Variants in EML4 observed in about 807,000 individuals in gnomAD.
The protein encoded by EML4 is EMAP like 4.
A neutral mutation model predicts 129.0 loss-of-function variants in EML4; 72 were observed. The ratio of observed to expected loss-of-function variants is 0.56; its 90% CI spans 0.46 to 0.68. The LOEUF (loss-of-function observed/expected upper bound fraction) is 0.68. EML4 is among the 30% of genes least tolerant of loss of function. The pLI is 0.00. For missense variants in EML4, 1,363 were observed against 1,190.6 expected (o/e 1.14, Z -2.13); for synonymous variants, 532 against 405.0 (o/e 1.31, Z -3.77).
At chr2:42,186,895 A>C (rs12612372) in intron 1 of EML4, among the ~76,000 whole-genome samples, 1 of 152,202 alleles carries the variant, frequency 6.6e-6, no homozygotes, top group South Asian at 2.1e-4. Flanking sequence ...TCACTACTAC[A>C]ATGAAGATAC....
Position 42,330,302 on chromosome 2 carries a change from T to C in EML4, c.*95T>C. On this transcript the variant is annotated 3_prime_UTR_variant, in exon 23 of 23. Transcript: ENST00000318522. Reference sequence around the variant, plus strand: ...ATGGGCAGTGATGGAGAATCACTGTTGATTGAGATTTTGGTTTCCATGTGA... The same window carrying C: ...ATGGGCAGTGATGGAGAATCACTGTCGATTGAGATTTTGGTTTCCATGTGA... 2 of 1,141,542 alleles carry C rather than the reference T, an allele frequency of 1.8e-6. No individual in the cohort carries two copies. The highest frequency in any genetic ancestry group is 1.3e-5 in the South Asian group (1 of 77,692). The allele number at this position is 1,141,542 out of a possible 1,614,324, so 70.7% of individuals were successfully genotyped here.
chr2:42,313,013 A>G (rs903617578), intron 17 of EML4, among the ~76,000 whole-genome samples: 2 of 135,180 alleles, frequency 1.5e-5, no homozygotes, highest in Admixed American at 1.7e-4. Flanking sequence ...CAGTGGTGCC[A>G]TGTCAGCTTG....
rs116811131 is a variant in EML4, at chr2:42,315,616, G to A, written c.1968-346G>A. On this transcript the variant is annotated intron_variant, in intron 17 of 22. Coordinates refer to ENST00000318522, the MANE Select transcript of EML4 (RefSeq NM_019063.5). ...TGTCTGGGCACAGTGGCACATGCCC[G>A]TAATCTCATTACTTTGGGAGGCTGA... Among the ~76,000 whole-genome samples the A allele has an allele frequency of 3.7e-3, 558 of 152,284 alleles. 7 individuals are homozygous for A. The highest frequency in any genetic ancestry group is 0.012 in the African/African-American group (482 of 41,560).
intron 1 of EML4, among the ~76,000 whole-genome samples, chr2:42,190,856 G>A (rs1439059831): frequency 1.3e-5 from 2 of 152,118 alleles, no homozygotes. Context: ...TGAACTTAAG[G>A]TAACTTTCAC....
intron 1 of EML4, among the ~76,000 whole-genome samples, chr2:42,232,340 T>C (rs1674400166): frequency 6.6e-6 from 1 of 152,236 alleles, no homozygotes; most frequent in Non-Finnish European, 1.5e-5. Context: ...TACAGAACTT[T>C]TTGGCAGCCC....
intron 1 of EML4, among the ~76,000 whole-genome samples, chr2:42,171,524 A>G (rs1670279384): frequency 6.6e-6 from 1 of 152,230 alleles, no homozygotes; most frequent in Admixed American, 6.5e-5. Flanking sequence ...GGCAAGTGAT[A>G]CAAAAGACCG....
intron 1 of EML4, among the ~76,000 whole-genome samples, chr2:42,199,402 C>CT (rs1272392192): frequency 7.9e-5 from 12 of 152,014 alleles, no homozygotes; most frequent in Admixed American, 3.3e-4. Context: ...TGGAGAGTGA[C>CT]TGAGAAGTTG....
At chr2:42,249,754 CTT>C (rs1450585302) in intron 2 of EML4, among the ~76,000 whole-genome samples, 1 of 151,882 alleles carries the variant, frequency 6.6e-6, no homozygotes, top group African/African-American at 2.4e-5. Context: ...CCATTTTTTT[CTT>C]GAGTAAATTA....
chr2:42,181,963 T>C lies in EML4; in HGVS notation c.25+12327T>C, dbSNP rs564131523. Among the ~76,000 whole-genome samples, 13 of 152,310 alleles carry C rather than the reference T, an allele frequency of 8.5e-5. 1 individual carries two copies. The South Asian group carries it at 1.0e-3, about 12-fold the overall frequency. ...ATATGTGTGTGGCAATATATAGATA[T>C]AGTTACAGCTATATTTTTACAACAG... On this transcript the variant is annotated intron_variant, in intron 1 of 22. Transcript: ENST00000318522.
At chr2:42,185,145 G>A (rs1180656121) in intron 1 of EML4, among the ~76,000 whole-genome samples, 1 of 152,114 alleles carries the variant, frequency 6.6e-6, no homozygotes, top group Non-Finnish European at 1.5e-5. Context: ...GTTGAAGAGA[G>A]AGAAAGTAAT....
chr2:42,205,710 T>C (rs1187710457), intron 1 of EML4, among the ~76,000 whole-genome samples: 3 of 152,222 alleles, frequency 2.0e-5, no homozygotes, highest in Non-Finnish European at 4.4e-5. Flanking sequence ...TTTGTTACAG[T>C]AATACTATGT....
chr2:42,306,247 C>T (rs1349134698), intron 17 of EML4, among the ~76,000 whole-genome samples: 1 of 152,054 alleles, frequency 6.6e-6, no homozygotes, highest in East Asian at 1.9e-4. Flanking sequence ...GAGAAAGACA[C>T]ATGACAGGTA....
At chr2:42,205,077 G>A (rs1672464719) in intron 1 of EML4, among the ~76,000 whole-genome samples, 1 of 152,118 alleles carries the variant, frequency 6.6e-6, no homozygotes, top group African/African-American at 2.4e-5. Flanking sequence ...TATATTAGGT[G>A]TTGAGGTAAT....
At chr2:42,293,508 G>A (rs1188179197) in intron 11 of EML4, among the ~76,000 whole-genome samples, 6 of 152,034 alleles carry the variant, frequency 3.9e-5, no homozygotes, top group African/African-American at 1.4e-4. Context: ...TTGGAACTGT[G>A]AGGGAAAAAA....
At chr2:42,254,011 G>T (rs1020232191) in intron 2 of EML4, among the ~76,000 whole-genome samples, 1 of 152,200 alleles carries the variant, frequency 6.6e-6, no homozygotes, top group African/African-American at 2.4e-5. Context: ...TGCCAGACAT[G>T]TATTTGTCAG....
intron 6 of EML4, among the ~76,000 whole-genome samples, chr2:42,274,601 C>T (rs749376414): frequency 3.4e-4 from 52 of 152,226 alleles, no homozygotes; most frequent in Non-Finnish European, 5.4e-4. Context: ...ACGATTAATA[C>T]TTTTTTATAA....
chr2:42,284,591 C>T (rs1204754223), intron 8 of EML4, 43 bp from the exon 9 acceptor site: 1 of 1,428,960 alleles, frequency 7.0e-7, no homozygotes, highest in Non-Finnish European at 9.8e-7. Flanking sequence ...TCTGTTGTTT[C>T]ATGTTTCCTG....
chr2:42,238,913 A>G (rs1342369699), intron 1 of EML4, among the ~76,000 whole-genome samples: 2 of 152,164 alleles, frequency 1.3e-5, no homozygotes, highest in Admixed American at 1.3e-4. Context: ...GACTGGGACT[A>G]TAGGTGTGTG....
intron 1 of EML4, chr2:42,169,842 C>T (rs1407977215): frequency 1.3e-5 from 6 of 470,436 alleles, no homozygotes; most frequent in Admixed American, 8.6e-5. Flanking sequence ...TGTGTCAGAC[C>T]CTCCTTTCCT....
Sources: gnomAD v4.1 joint callset for allele counts (sites outside exome capture counted in the v4.1 genomes callset) on GRCh38, gnomAD v4.1.1 for gene constraint, MANE v1.5 for transcripts, NCBI Gene and HGNC (gene_info 2026-07-23, HGNC 2026-07-21) for gene names.